Variants in PLD5 observed in about 807,000 individuals in gnomAD.
The protein encoded by PLD5 is phospholipase D family member 5.
PLD5 carries 36 observed loss-of-function variants against 61.1 expected under a neutral mutation model. That is an observed-to-expected ratio of 0.59 (90% CI 0.45 to 0.78). The LOEUF (loss-of-function observed/expected upper bound fraction) is 0.78. PLD5 is among the 30% of genes least tolerant of loss of function. The pLI is 0.00. For missense variants in PLD5, 515 were observed against 644.4 expected, an observed-to-expected ratio of 0.80 and a Z score of 2.17; for synonymous variants, 243 against 242.8, an observed-to-expected ratio of 1.00 and a Z score of -0.01.
At chr1:242,113,488 C>T (rs1661704370) in intron 7 of PLD5, among the ~76,000 whole-genome samples, 1 of 152,208 alleles carries the variant, frequency 6.6e-6, no homozygotes, top group African/African-American at 2.4e-5. Flanking sequence ...TAAGGAAAGT[C>T]TGGCAAGACT....
intron 1 of PLD5, among the ~76,000 whole-genome samples, chr1:242,400,170 C>G (rs1663840504): frequency 6.9e-6 from 1 of 145,166 alleles, no homozygotes; most frequent in African/African-American, 2.6e-5. Flanking sequence ...GAGTGAAACT[C>G]TCTCTCTCAA....
intron 5 of PLD5, among the ~76,000 whole-genome samples, chr1:242,133,606 C>T (rs1466616618): frequency 6.6e-6 from 1 of 152,172 alleles, no homozygotes; most frequent in Non-Finnish European, 1.5e-5. Context: ...TCCTTTCCTT[C>T]TTTCTTCCTT....
rs186842529 is a variant in PLD5, at chr1:242,332,862, C to T, written c.326+15244G>A. On this transcript the variant is annotated intron_variant, in intron 2 of 9. Coordinates refer to ENST00000536534, the MANE Select transcript of PLD5 (RefSeq NM_001372062.1). ...ACTGGAAAAACTAATACTTGACGTT[C>T]ACTCGTAGATACCAAGTACTATATC... is the stretch of plus-strand genomic sequence containing the variant. Among the ~76,000 whole-genome samples, 160 of 152,302 alleles carry T rather than the reference C, an allele frequency of 1.1e-3. 1 individual carries two copies. The highest frequency in any genetic ancestry group is 3.8e-3 in the African/African-American group (157 of 41,578).
At position 242,207,758 on chromosome 1, in the gene PLD5, T is replaced by A. The variant is rs1336343760; in HGVS notation, c.735+12230A>T. Among the ~76,000 whole-genome samples, 163 of 55,352 alleles carry A rather than the reference T, an allele frequency of 2.9e-3. 1 individual carries two copies. Among genetic ancestry groups the A allele is most frequent in the African/African-American group, 1.0e-2 (137 of 13,750 alleles). 36.3% of individuals were successfully genotyped at this position (55,352 alleles called of 152,430 possible). ...ATGTTTTATATATATTTATATATAT[T>A]TATATTTATATATATTTATATATAT... On this transcript the variant is annotated intron_variant, in intron 5 of 9. Transcript: ENST00000536534.
At chr1:242,508,091 C>G (rs1668784464) in intron 1 of PLD5, among the ~76,000 whole-genome samples, 1 of 151,524 alleles carries the variant, frequency 6.6e-6, no homozygotes, top group Non-Finnish European at 1.5e-5. Context: ...TGGCTGGGCA[C>G]AGTGGCTCAT....
chr1:242,520,872 T>C (rs997505806), intron 1 of PLD5, among the ~76,000 whole-genome samples: 3 of 152,172 alleles, frequency 2.0e-5, no homozygotes, highest in Non-Finnish European at 4.4e-5. Flanking sequence ...CTTGCTTTGC[T>C]GGACCAGAAT....
intron 5 of PLD5, among the ~76,000 whole-genome samples, chr1:242,203,074 C>A (rs538608913): frequency 6.6e-6 from 1 of 152,306 alleles, no homozygotes; most frequent in East Asian, 1.9e-4. Flanking sequence ...AGCCAAACAA[C>A]CACCCTTACA....
At chr1:242,459,254 C>T (rs1263292193) in intron 1 of PLD5, among the ~76,000 whole-genome samples, 2 of 152,150 alleles carry the variant, frequency 1.3e-5, no homozygotes, top group African/African-American at 2.4e-5. Context: ...ACGCCATTTA[C>T]AAGGAAGTGA....
intron 1 of PLD5, among the ~76,000 whole-genome samples, chr1:242,387,925 T>G (rs754339440): frequency 3.5e-4 from 53 of 152,086 alleles, no homozygotes; most frequent in Non-Finnish European, 5.6e-4. Flanking sequence ...TTTGCTAGGT[T>G]GTTTGTTTAC....
chr1:242,414,155 A>T (rs1009413742), intron 1 of PLD5, among the ~76,000 whole-genome samples: 4 of 152,180 alleles, frequency 2.6e-5, no homozygotes, highest in Non-Finnish European at 5.9e-5. Context: ...AATAATTAGG[A>T]GACAAATTGG....
chr1:242,514,180 C>A (rs1476978895), intron 1 of PLD5, among the ~76,000 whole-genome samples: 2 of 152,288 alleles, frequency 1.3e-5, no homozygotes, highest in East Asian at 3.9e-4. Flanking sequence ...ATTAATCTAC[C>A]ATTGTGGGTG....
chr1:242,140,340 C>T (rs1664068131), intron 5 of PLD5, among the ~76,000 whole-genome samples: 1 of 152,188 alleles, frequency 6.6e-6, no homozygotes, highest in African/African-American at 2.4e-5. Flanking sequence ...CAAAACCTTG[C>T]TATGTAAGGG....
chr1:242,447,564 A>G (rs1185150767), intron 1 of PLD5, among the ~76,000 whole-genome samples: 2 of 152,240 alleles, frequency 1.3e-5, no homozygotes, highest in African/African-American at 2.4e-5. Context: ...TGTCATTAAG[A>G]AGAGCTCACT....
intron 9 of PLD5, among the ~76,000 whole-genome samples, chr1:242,100,154 C>A (rs575112075): frequency 6.6e-6 from 1 of 152,326 alleles, no homozygotes. Flanking sequence ...TTAACCCCAT[C>A]TTACAGATGA....
At chr1:242,440,814 C>T (rs1219286056) in intron 1 of PLD5, among the ~76,000 whole-genome samples, 1 of 152,228 alleles carries the variant, frequency 6.6e-6, no homozygotes, top group Non-Finnish European at 1.5e-5. Context: ...CCCTCTCCCT[C>T]ACTCCGCCTC....
chr1:242,445,830 A>C (rs1009800353), intron 1 of PLD5, among the ~76,000 whole-genome samples: 1 of 133,460 alleles, frequency 7.5e-6, no homozygotes, highest in South Asian at 2.4e-4. Flanking sequence ...TCCACATTTC[A>C]CCTCCAATCA....
At chr1:242,200,858 C>A (rs966473539) in intron 5 of PLD5, among the ~76,000 whole-genome samples, 8 of 152,142 alleles carry the variant, frequency 5.3e-5, no homozygotes, top group African/African-American at 1.9e-4. Context: ...AAAGCTCTTA[C>A]TAAAAATTAT....
At chr1:242,382,255 AG>A (rs1409593155) in intron 1 of PLD5, among the ~76,000 whole-genome samples, 1 of 152,138 alleles carries the variant, frequency 6.6e-6, no homozygotes, top group African/African-American at 2.4e-5. Context: ...ATGCCAAGTA[AG>A]TAGGTGAAGA....
At chr1:242,258,917 G>T (rs10754757) in intron 4 of PLD5, among the ~76,000 whole-genome samples, 66,159 of 151,722 alleles carry the variant, frequency 0.44, 14,776 homozygotes, top group East Asian at 0.58. Flanking sequence ...TTGATCACTT[G>T]ATTTCACTTA....
Sources: gnomAD v4.1 joint callset for allele counts (sites outside exome capture counted in the v4.1 genomes callset) on GRCh38, gnomAD v4.1.1 for gene constraint, MANE v1.5 for transcripts, NCBI Gene and HGNC (gene_info 2026-07-23, HGNC 2026-07-21) for gene names.